CD44: variants seen among roughly 807,000 people sequenced by gnomAD.
The protein encoded by CD44 is CD44 molecule (IN blood group).
A neutral mutation model predicts 88.8 loss-of-function variants in CD44; 49 were observed. That is an observed-to-expected ratio of 0.55 (90% CI 0.44 to 0.70). The LOEUF (loss-of-function observed/expected upper bound fraction) is 0.70, where lower values mean the gene tolerates loss of function less well. Ranked by LOEUF, CD44 falls within the 30% of genes least tolerant of loss-of-function variation. The pLI is 0.00. For synonymous variants in CD44, 325 were observed against 312.3 expected, an observed-to-expected ratio of 1.04 and a Z score of -0.43; for missense variants, 883 against 913.8, an observed-to-expected ratio of 0.97 and a Z score of 0.43.
intron 2 of CD44, chr11:35,176,991 C>T (rs2133654881): frequency 2.3e-6 from 1 of 434,702 alleles, no homozygotes; most frequent in African/African-American, 2.0e-5. Flanking sequence ...GGCTGGAATC[C>T]TCTTGTCTAA....
At chr11:35,223,693 C>G (rs1949484942) in intron 17 of CD44, among the ~76,000 whole-genome samples, 1 of 152,148 alleles carries the variant, frequency 6.6e-6, no homozygotes, top group Admixed American at 6.5e-5. Context: ...TTACTATGTC[C>G]TGATTTGATA....
intron 1 of CD44, among the ~76,000 whole-genome samples, chr11:35,155,223 A>G (rs1028853223): frequency 1.3e-5 from 2 of 152,132 alleles, no homozygotes; most frequent in African/African-American, 2.4e-5. Context: ...ATCATGATCC[A>G]CCCACTGGAG....
chr11:35,139,464 A>T, intron 1 of CD44, 94 bp downstream of exon 1: 1 of 1,123,900 alleles, frequency 8.9e-7, no homozygotes, highest in South Asian at 1.3e-5. Context: ...GCCCTGGGGG[A>T]CTGGAGTCAA....
At position 35,161,568 on chromosome 11, in the gene CD44, C is replaced by T. The variant is rs116438499; in HGVS notation, c.68-15007C>T. Reference sequence around the variant, plus strand: ...ATCACAGTTGCACTCTGCTGGGCAGCGCTGTAAGTCTCTGATTGGATTTTG... The same window carrying T: ...ATCACAGTTGCACTCTGCTGGGCAGTGCTGTAAGTCTCTGATTGGATTTTG... On this transcript the variant is annotated intron_variant, in intron 1 of 17. Coordinates refer to ENST00000428726, the MANE Select transcript of CD44 (RefSeq NM_000610.4). Among the ~76,000 whole-genome samples the T allele has an allele frequency of 8.9e-3, 1,362 of 152,244 alleles. 21 individuals carry two copies. The highest frequency in any genetic ancestry group is 0.031 in the African/African-American group (1,274 of 41,526).
chr11:35,151,846 T>C (rs1590912937), intron 1 of CD44, among the ~76,000 whole-genome samples: 1 of 152,356 alleles, frequency 6.6e-6, no homozygotes, highest in East Asian at 1.9e-4. Flanking sequence ...GAGCCTTTTG[T>C]TAGGATTCAC....
chr11:35,155,562 A>G (rs553481717), intron 1 of CD44, among the ~76,000 whole-genome samples: 1 of 152,222 alleles, frequency 6.6e-6, no homozygotes, highest in Non-Finnish European at 1.5e-5. Context: ...CTAAAACTTT[A>G]TCCTTTCCTG....
At chr11:35,225,826 AAAACAAACAAAC>A (rs547109195) in intron 17 of CD44, among the ~76,000 whole-genome samples, 1 of 152,080 alleles carries the variant, frequency 6.6e-6, no homozygotes, top group Non-Finnish European at 1.5e-5. Flanking sequence ...AAAACAAAAC[AAAACAAACAAAC>A]AAACAAACAA....
At chr11:35,153,985 C>A (rs1365484032) in intron 1 of CD44, among the ~76,000 whole-genome samples, 1 of 152,160 alleles carries the variant, frequency 6.6e-6, no homozygotes, top group Admixed American at 6.5e-5. Context: ...ATCATGTCTG[C>A]CCTGTAATAG....
In CD44 at chr11:35,208,096, T is replaced by G; in HGVS notation, c.1415-9T>G. 6.6e-7 allele frequency: 1 copy of G among 1,519,824 alleles called. No individual in the cohort carries two copies. Among genetic ancestry groups the G allele is most frequent in the Non-Finnish European group, 9.1e-7 (1 of 1,095,010 alleles). The allele number at this position is 1,519,824 out of a possible 1,614,324, so 94.1% of individuals were successfully genotyped here. On this transcript the variant is annotated splice_polypyrimidine_tract_variant and intron_variant, in intron 11 of 17. Coordinates refer to ENST00000428726, the MANE Select transcript of CD44 (RefSeq NM_000610.4). ...AATCAAGCAATAACACTAATATTGA[T>G]TCCTTCAGATATGGACTCCAGTCAT... is the stretch of plus-strand genomic sequence containing the variant.
chr11:35,223,145 G>A, intron 17 of CD44: 3 of 985,378 alleles, frequency 3.0e-6, no homozygotes, highest in African/African-American at 1.7e-5. Context: ...GATTGTATAA[G>A]GAACAAAACT....
chr11:35,220,760 C>T (rs1591333507), intron 16 of CD44, among the ~76,000 whole-genome samples: 3 of 142,516 alleles, frequency 2.1e-5, no homozygotes, highest in Non-Finnish European at 1.5e-5. Flanking sequence ...TTTTAATATA[C>T]GTCTTTTTTT....
chr11:35,161,925 G>GT (rs2133354591), intron 1 of CD44, among the ~76,000 whole-genome samples: 1 of 152,280 alleles, frequency 6.6e-6, no homozygotes, highest in African/African-American at 2.4e-5. Context: ...TCATAAAAGA[G>GT]TGAGCCTTAG....
chr11:35,158,508 C>T (rs1372261904), intron 1 of CD44, among the ~76,000 whole-genome samples: 4 of 152,156 alleles, frequency 2.6e-5, no homozygotes, highest in Non-Finnish European at 4.4e-5. Context: ...TAAGGACTGA[C>T]GCGATCACAG....
At chr11:35,191,556 C>T (rs1253421758) in intron 5 of CD44, among the ~76,000 whole-genome samples, 1 of 152,068 alleles carries the variant, frequency 6.6e-6, no homozygotes, top group East Asian at 1.9e-4. Context: ...GTAACCATGT[C>T]GAAGGTGCTT....
chr11:35,220,740 A>G (rs1224033053), intron 16 of CD44, among the ~76,000 whole-genome samples: 1 of 149,548 alleles, frequency 6.7e-6, no homozygotes, highest in Non-Finnish European at 1.5e-5. Flanking sequence ...CAGAAATACC[A>G]TGGTTACCAT....
chr11:35,200,752 C>T (rs1009888090), intron 7 of CD44: 51 of 279,764 alleles, frequency 1.8e-4, no homozygotes, highest in Non-Finnish European at 3.1e-4. Flanking sequence ...GGCAAAATGG[C>T]GCCTTTGGTT....
At chr11:35,157,080 T>C (rs1941965734) in intron 1 of CD44, among the ~76,000 whole-genome samples, 1 of 152,214 alleles carries the variant, frequency 6.6e-6, no homozygotes, top group Non-Finnish European at 1.5e-5. Flanking sequence ...TATTGGTCCA[T>C]AACCTCTATC....
rs1459887162 is a variant in CD44 at position 35,232,042 on chromosome 11, C to T, written c.*2709C>T. The stretch of plus-strand genomic sequence containing the variant: ...CACCAAGAATTGATTTTGTAGCCAA[C>T]ATTCATTCAATACTGTTATATCAGA... On this transcript the variant is annotated 3_prime_UTR_variant, in exon 18 of 18. Transcript: ENST00000428726. The T allele has an allele frequency of 6.6e-6, 1 of 152,138 alleles. No individual in the cohort carries two copies. The highest frequency in any genetic ancestry group is 1.5e-5 in the Non-Finnish European group (1 of 68,024). The allele number at this position is 152,138 out of a possible 1,614,324, so 9.4% of individuals were successfully genotyped here. A position where few individuals can be genotyped will look rare whatever the true frequency, so the allele number is the denominator to read the frequency against.
Position 35,186,117 on chromosome 11 carries a change from T to A in CD44, c.368-715T>A, listed in dbSNP as rs566580927. Among the ~76,000 whole-genome samples, 6 of 152,272 alleles carry A rather than the reference T, an allele frequency of 3.9e-5. No homozygotes were observed. The South Asian group carries it at 1.2e-3, about 32-fold the overall frequency. On this transcript the variant is annotated intron_variant, in intron 3 of 17. Transcript: ENST00000428726. ...AAAACAGTAACCTTGAAAAATATTC[T>A]GGGCACCTAGGCCAAAGGTGGTCAA...
Sources: gnomAD v4.1 joint callset for allele counts (sites outside exome capture counted in the v4.1 genomes callset) on GRCh38, gnomAD v4.1.1 for gene constraint, MANE v1.5 for transcripts, NCBI Gene and HGNC (gene_info 2026-07-23, HGNC 2026-07-21) for gene names.